Variants in MDN1 observed in about 807,000 individuals in gnomAD.
The protein encoded by MDN1 is midasin.
MDN1 carries 266 observed loss-of-function variants against 669.2 expected under a neutral mutation model. The observed-to-expected ratio is 0.40, with a 90% CI of 0.36 to 0.44. The LOEUF is 0.44. Among genes scored for constraint, MDN1 ranks in the 20% least tolerant of loss-of-function variants. The pLI is 1.00. For synonymous variants in MDN1, 2,385 were observed against 2,457.1 expected (o/e 0.97, Z 0.87); for missense variants, 5,940 against 6,754.0 (o/e 0.88, Z 4.22).
intron 14 of MDN1, among the ~76,000 whole-genome samples, chr6:89,772,083 G>C (rs1030586966): frequency 1.3e-5 from 2 of 152,106 alleles, no homozygotes; most frequent in African/African-American, 4.8e-5. Flanking sequence ...AGGCAACATA[G>C]CTAGACCTCG....
intron 33 of MDN1, among the ~76,000 whole-genome samples, chr6:89,734,610 A>G (rs1383069773): frequency 6.7e-6 from 1 of 148,558 alleles, no homozygotes; most frequent in Non-Finnish European, 1.5e-5. Context: ...CAGTGAGTCA[A>G]TATTGTGCCA....
intron 78 of MDN1, 113 bp from the exon 79 acceptor site, chr6:89,674,702 T>G: frequency 7.2e-7 from 1 of 1,397,044 alleles, no homozygotes; most frequent in Non-Finnish European, 9.5e-7. Flanking sequence ...TTTCATACAG[T>G]CAAGAAGGAA....
intron 96 of MDN1, 150 bp downstream of exon 96, chr6:89,650,582 C>T: frequency 6.4e-6 from 4 of 621,460 alleles, no homozygotes; most frequent in Non-Finnish European, 5.6e-6. Context: ...AATAGGAAAA[C>T]AGGGTAAGGA....
At chr6:89,726,482 G>GAAAAAAAA (rs201576721) in intron 37 of MDN1, among the ~76,000 whole-genome samples, 3 of 90,946 alleles carry the variant, frequency 3.3e-5, no homozygotes, top group African/African-American at 8.1e-5. Context: ...AAGAAAAATA[G>GAAAAAAAA]AAAAAAAAAA....
Position 89,716,773 on chromosome 6 carries a change from C to T in MDN1, c.6620G>A (p.Gly2207Asp), listed in dbSNP as rs761248908. 2 of 1,612,864 alleles carry T rather than the reference C, an allele frequency of 1.2e-6. No individual in the cohort carries two copies. Among genetic ancestry groups the T allele is most frequent in the Middle Eastern group, 1.7e-4 (1 of 6,056 alleles). ...ACTGGCCAACTGCGTAAGCTTCACA[C>T]CAAAGCTTCGGAACTCTTCAACAAG... ...AKLVEEFRSF[G>D]VKLTQLASGH... The change falls in exon 44 of 102, where the codon GGT becomes GAT. Residue 2207 changes from glycine to aspartate, a missense_variant. Physicochemically the swap from Gly to Asp is moderately conservative, Grantham distance 94 (BLOSUM62 -1). Coordinates refer to ENST00000369393, the MANE Select transcript of MDN1 (RefSeq NM_014611.3).
chr6:89,748,168 G>T (rs771452757), intron 26 of MDN1, among the ~76,000 whole-genome samples: 13 of 151,894 alleles, frequency 8.6e-5, no homozygotes, highest in Admixed American at 2.6e-4. Flanking sequence ...CTACTAAAAA[G>T]ACAAAAAATT....
At position 89,749,246 on chromosome 6, in the gene MDN1, C is replaced by T. The variant is rs987752997; in HGVS notation, c.3739G>A (p.Val1247Ile). Residue 1247 changes from valine (V) to isoleucine (I), a missense_variant, in exon 26 of 102, where the codon GTT becomes ATT. Transcript: ENST00000369393. ...ACCTGAAGATCCAGCATGACTTTAA[C>T]CAACTTGCTGCAATAGGAGGGTGGC... Reference protein sequence around the residue: ...SLPPSYCSKLVKVMLDLQSYR... With the variant: ...SLPPSYCSKLIKVMLDLQSYR... The T allele has an allele frequency of 1.2e-6, 2 of 1,613,864 alleles. No individual in the cohort carries two copies. The highest frequency in any genetic ancestry group is 2.7e-5 in the African/African-American group (2 of 74,872).
chr6:89,727,689 A>T lies in MDN1; in HGVS notation c.5472+144T>A, dbSNP rs960037435. 10 of 1,346,842 alleles carry T rather than the reference A, an allele frequency of 7.4e-6. No individual in the cohort carries two copies. The Middle Eastern group carries it at 1.8e-3, about 243-fold the overall frequency. The allele number at this position is 1,346,842 out of a possible 1,614,324, so 83.4% of individuals were successfully genotyped here. On this transcript the variant is annotated intron_variant, in intron 37 of 101. Transcript: ENST00000369393. ...CAAGTGACCTTCCTCATTCTTAAAG[A>T]AAACTACAGAGGATCTTTTCATTAG... is the stretch of plus-strand genomic sequence containing the variant.
chr6:89,756,216 C>A, intron 20 of MDN1, 61 bp downstream of exon 20: 1 of 738,442 alleles, frequency 1.4e-6, no homozygotes, highest in Non-Finnish European at 2.2e-6. Context: ...TGTGTGTGCA[C>A]GAGTAGCACA....
chr6:89,740,157 A>G (rs548739698), intron 32 of MDN1, 77 bp downstream of exon 32: 7 of 1,496,184 alleles, frequency 4.7e-6, no homozygotes, highest in Non-Finnish European at 6.3e-6. Context: ...CAAATCCATT[A>G]TTACATACTA....
At chr6:89,817,502 G>A (rs1482067734) in intron 1 of MDN1, among the ~76,000 whole-genome samples, 1 of 152,084 alleles carries the variant, frequency 6.6e-6, no homozygotes, top group Non-Finnish European at 1.5e-5. Flanking sequence ...AAGAGGAAAG[G>A]GTAAAGTCAG....
intron 10 of MDN1, 109 bp downstream of exon 10, chr6:89,781,290 G>A: frequency 9.7e-7 from 1 of 1,033,020 alleles, no homozygotes; most frequent in Non-Finnish European, 1.5e-6. Flanking sequence ...GGCGGAGGTT[G>A]GAGTGAGCCA....
At chr6:89,733,789 T>C (rs1387148629) in intron 33 of MDN1, among the ~76,000 whole-genome samples, 2 of 151,494 alleles carry the variant, frequency 1.3e-5, no homozygotes, top group African/African-American at 4.9e-5. Context: ...TCCAGGTAAA[T>C]TAAAAAAATG....
At position 89,699,836 on chromosome 6, in the gene MDN1, A is replaced by AG. The variant is rs1813019482; in HGVS notation, c.8871-110_8871-109insC. The AG allele has an allele frequency of 1.5e-5, 18 of 1,241,210 alleles. 1 individual carries two copies. In the African/African-American group the frequency reaches 2.7e-4, roughly 19 times the overall value. The allele number at this position is 1,241,210 out of a possible 1,614,324, so 76.9% of individuals were successfully genotyped here. A position where few individuals can be genotyped will look rare whatever the true frequency, so the allele number is the denominator to read the frequency against. On this transcript the variant is annotated intron_variant, in intron 57 of 101. Coordinates refer to ENST00000369393, the MANE Select transcript of MDN1 (RefSeq NM_014611.3). ...CATAAAACTTACAGTACATTTATCT[A>AG]AAAATGAACAACTCTACTGATAAAA...
chr6:89,690,132 A>G lies in MDN1; in HGVS notation c.10761T>C (p.Asp3587=). The G allele has an allele frequency of 6.2e-7, 1 of 1,614,178 alleles. No individual in the cohort carries two copies. The highest frequency in any genetic ancestry group is 8.5e-7 in the Non-Finnish European group (1 of 1,180,016). Residue 3587 remains aspartate (D), a synonymous_variant, in exon 65 of 102, where the codon GAT becomes GAC. Transcript: ENST00000369393. ...QFPLHEKDFA[D]ILVQPTLEEN... Reference sequence around the variant, plus strand: ...CCTCCAACGTTGGCTGCACCAAAATATCTGCAAAGTCCTATAAATAGCATT... The same window carrying G: ...CCTCCAACGTTGGCTGCACCAAAATGTCTGCAAAGTCCTATAAATAGCATT...
At chr6:89,706,836 A>ATTTTCT (rs1282193004) in intron 52 of MDN1, among the ~76,000 whole-genome samples, 36 of 152,196 alleles carry the variant, frequency 2.4e-4, no homozygotes, top group African/African-American at 8.2e-4. Context: ...ATATGAGAAA[A>ATTTTCT]CATAAATGAA....
intron 1 of MDN1, 120 bp from the exon 2 acceptor site, chr6:89,803,674 C>G: frequency 1.4e-6 from 1 of 729,410 alleles, no homozygotes; most frequent in Non-Finnish European, 2.2e-6. Context: ...CTCCACCTCC[C>G]GGGTTCATGC....
At position 89,730,937 on chromosome 6, in the gene MDN1, G is replaced by T; in HGVS notation, c.4943-14C>A. On this transcript the variant is annotated splice_polypyrimidine_tract_variant and intron_variant, in intron 34 of 101. Coordinates refer to ENST00000369393, the MANE Select transcript of MDN1 (RefSeq NM_014611.3). The stretch of plus-strand genomic sequence containing the variant: ...AGGAAGTTACCCCTAAAAGACAGAG[G>T]ATCAGTCCATGAAGCAACAGTACAA... The T allele has an allele frequency of 6.2e-7, 1 of 1,611,594 alleles. No homozygotes were observed. The highest frequency in any genetic ancestry group is 1.1e-5 in the South Asian group (1 of 90,842).
chr6:89,779,603 T>A (rs1279873439), intron 11 of MDN1, among the ~76,000 whole-genome samples: 1 of 152,216 alleles, frequency 6.6e-6, no homozygotes, highest in East Asian at 1.9e-4. Context: ...CATTGCTTTA[T>A]TATTACCCGG....
Sources: allele counts gnomAD v4.1 joint callset (sites outside exome capture counted in the v4.1 genomes callset), GRCh38; gene constraint gnomAD v4.1.1; transcripts MANE v1.5; gene names NCBI Gene and HGNC (gene_info 2026-07-23, HGNC 2026-07-21).